CSMD1: variants seen among roughly 807,000 people sequenced by gnomAD.
CSMD1 encodes the protein CUB and sushi domain-containing protein 1.
A neutral mutation model predicts 417.5 loss-of-function variants in CSMD1; 213 were observed. The observed-to-expected ratio is 0.51, with a 90% confidence interval of 0.46 to 0.57. The LOEUF is 0.57. Ranked by LOEUF, CSMD1 falls within the 20% of genes least tolerant of loss-of-function variation. CSMD1 has a pLI of 0.00. For synonymous variants in CSMD1, 2,862 were observed against 1,736.8 expected (o/e 1.65, Z -16.11); for missense variants, 6,923 against 4,529.7 (o/e 1.53, Z -15.17).
chr8:3,407,174 G>A (rs1812396676), intron 14 of CSMD1, among the ~76,000 whole-genome samples: 2 of 78,064 alleles, frequency 2.6e-5, no homozygotes, highest in African/African-American at 1.2e-4. Flanking sequence ...TGGAAGGATG[G>A]ATAATGGAAG....
At chr8:3,406,912 A>G (rs562620271) in intron 14 of CSMD1, among the ~76,000 whole-genome samples, 5 of 152,328 alleles carry the variant, frequency 3.3e-5, no homozygotes, top group Admixed American at 1.3e-4. Flanking sequence ...CTGTATTTTA[A>G]TCCTTGGCTC....
chr8:4,226,492 T>C (rs887391364), intron 3 of CSMD1, among the ~76,000 whole-genome samples: 1 of 152,284 alleles, frequency 6.6e-6, no homozygotes, highest in Non-Finnish European at 1.5e-5. Context: ...TACAGGACTT[T>C]GCAGTAACAG....
chr8:3,010,661 G>A (rs75257001), intron 52 of CSMD1, among the ~76,000 whole-genome samples: 10,676 of 151,874 alleles, frequency 0.07, 458 homozygotes, highest in African/African-American at 0.13. Flanking sequence ...CTACTCTTCT[G>A]TCAGCCTCTA....
intron 2 of CSMD1, among the ~76,000 whole-genome samples, chr8:4,476,184 G>C (rs1800793991): frequency 6.6e-6 from 1 of 151,914 alleles, no homozygotes; most frequent in African/African-American, 2.4e-5. Context: ...TGCTTCACCA[G>C]CATAACTGAT....
chr8:4,053,732 G>C (rs1390923359), intron 3 of CSMD1, among the ~76,000 whole-genome samples: 1 of 152,040 alleles, frequency 6.6e-6, no homozygotes, highest in Non-Finnish European at 1.5e-5. Flanking sequence ...TCCAGAACTG[G>C]CTTCTTGAAT....
chr8:3,397,167 G>C lies in CSMD1; in HGVS notation c.2406-786C>G, dbSNP rs372570726. Among the ~76,000 whole-genome samples, 5 of 152,270 alleles carry C rather than the reference G, an allele frequency of 3.3e-5. No individual in the cohort carries two copies. In the East Asian group the frequency reaches 5.8e-4, roughly 18 times the overall value. On this transcript the variant is annotated intron_variant, in intron 16 of 69. Coordinates refer to ENST00000635120, the MANE Select transcript of CSMD1 (RefSeq NM_033225.6). ...AGTGGGCCTATCTGATCCTCGAAGAGCTAACCCGGTTTCTGAGTGCCTGAC... is the reference window on the plus strand; with the variant it reads ...AGTGGGCCTATCTGATCCTCGAAGACCTAACCCGGTTTCTGAGTGCCTGAC...
At chr8:4,308,622 T>C (rs946647816) in intron 3 of CSMD1, among the ~76,000 whole-genome samples, 2 of 152,178 alleles carry the variant, frequency 1.3e-5, no homozygotes, top group Non-Finnish European at 2.9e-5. Flanking sequence ...TAAGCCTGCT[T>C]TGGAAAACTA....
rs1269108099 is a variant in CSMD1 at position 3,026,195 on chromosome 8, TG to T, written c.7855+3123del. 2.6e-5 allele frequency among the ~76,000 whole-genome samples: 4 copies of T among 152,204 alleles called. No homozygotes were observed. The East Asian group carries it at 7.7e-4, about 29-fold the overall frequency. On this transcript the variant is annotated intron_variant, in intron 51 of 69. Coordinates refer to ENST00000635120, the MANE Select transcript of CSMD1 (RefSeq NM_033225.6). Reference sequence around the variant, plus strand: ...AGATTGGACTCAGGAGAGGGCCTGGTGGGGTGGGGGACAGAGGGCCAGGAGC... The same window carrying T: ...AGATTGGACTCAGGAGAGGGCCTGGTGGGTGGGGGACAGAGGGCCAGGAGC...
intron 26 of CSMD1, chr8:3,278,754 G>C (rs55702384): frequency 6.6e-6 from 1 of 151,992 alleles, no homozygotes; most frequent in Non-Finnish European, 1.5e-5. Context: ...GGCTTCTTGG[G>C]TGTGATGGAC....
chr8:3,450,289 A>G (rs952006140), intron 12 of CSMD1, among the ~76,000 whole-genome samples: 1 of 149,364 alleles, frequency 6.7e-6, no homozygotes, highest in African/African-American at 2.5e-5. Context: ...ACCCATACAC[A>G]TGGTTGCATA....
At chr8:4,924,314 G>A (rs995013574) in intron 1 of CSMD1, among the ~76,000 whole-genome samples, 2 of 152,110 alleles carry the variant, frequency 1.3e-5, no homozygotes, top group African/African-American at 4.8e-5. Flanking sequence ...TCCTAATTAT[G>A]TTCATGTAAA....
At position 4,546,431 on chromosome 8, in the gene CSMD1, G is replaced by A. The variant is rs563521798; in HGVS notation, c.302+90911C>T. Among the ~76,000 whole-genome samples, 32 of 152,298 alleles carry A rather than the reference G, an allele frequency of 2.1e-4. No individual in the cohort carries two copies. In the South Asian group the frequency reaches 6.2e-3, roughly 30 times the overall value. On this transcript the variant is annotated intron_variant, in intron 2 of 69. Coordinates refer to ENST00000635120, the MANE Select transcript of CSMD1 (RefSeq NM_033225.6). The stretch of plus-strand genomic sequence containing the variant: ...ATTAGAGTTTGAATCGGCAGACTGA[G>A]TGAAGAACCACCCTTACCATTCCAC...
chr8:3,963,558 A>G (rs913988341), intron 5 of CSMD1, among the ~76,000 whole-genome samples: 1 of 152,220 alleles, frequency 6.6e-6, no homozygotes, highest in African/African-American at 2.4e-5. Context: ...TCGTATTTCA[A>G]TTTAAAAATA....
chr8:3,045,738 C>A (rs11785356), intron 50 of CSMD1, among the ~76,000 whole-genome samples: 46,149 of 151,974 alleles, frequency 0.3, 7,086 homozygotes, highest in East Asian at 0.36. Flanking sequence ...ATTAGGAAGA[C>A]AGATTCTCTT....
intron 5 of CSMD1, among the ~76,000 whole-genome samples, chr8:3,841,807 T>C (rs145378620): frequency 3.3e-5 from 5 of 151,996 alleles, no homozygotes; most frequent in Admixed American, 1.3e-4. Flanking sequence ...AATCAGCCCA[T>C]GATCTGTGTT....
intron 21 of CSMD1, among the ~76,000 whole-genome samples, chr8:3,355,364 T>C (rs1808712514): frequency 6.6e-6 from 1 of 152,190 alleles, no homozygotes; most frequent in East Asian, 1.9e-4. Context: ...TCATATATAC[T>C]CTCTAACTTT....
chr8:4,380,090 A>C (rs1224835724), intron 3 of CSMD1, among the ~76,000 whole-genome samples: 3 of 152,244 alleles, frequency 2.0e-5, no homozygotes, highest in Admixed American at 1.3e-4. Context: ...ATAAAAAGTA[A>C]ATGGGAGAAA....
intron 5 of CSMD1, among the ~76,000 whole-genome samples, chr8:3,896,220 G>T (rs1167369500): frequency 6.6e-6 from 1 of 152,118 alleles, no homozygotes; most frequent in South Asian, 2.1e-4. Context: ...CAATTCTATA[G>T]CCTGGTTGCT....
intron 6 of CSMD1, among the ~76,000 whole-genome samples, chr8:3,727,773 A>T (rs1011387108): frequency 4.6e-5 from 7 of 152,210 alleles, no homozygotes; most frequent in African/African-American, 1.7e-4. Flanking sequence ...AATCGGTTAT[A>T]ATTTAGTCTT....
Sources: gnomAD v4.1 joint callset for allele counts (sites outside exome capture counted in the v4.1 genomes callset) on GRCh38, gnomAD v4.1.1 for gene constraint, MANE v1.5 for transcripts, NCBI Gene and HGNC (gene_info 2026-07-23, HGNC 2026-07-21) for gene names.